Variants in WWOX observed in about 807,000 individuals in gnomAD.
WWOX encodes WW domain containing oxidoreductase.
WWOX carries 69 observed loss-of-function variants against 46.2 expected under a neutral mutation model. The observed-to-expected ratio is 1.49, with a 90% confidence interval of 1.23 to 1.82. The LOEUF is 1.82. Among genes scored for constraint, WWOX ranks in the 40% most tolerant of loss-of-function variants. WWOX has a pLI of 0.00. For missense variants in WWOX, 919 were observed against 542.6 expected (o/e 1.69, Z -6.89); for synonymous variants, 359 against 202.6 (o/e 1.77, Z -6.56).
At position 78,192,224 on chromosome 16, in the gene WWOX, G is replaced by T. The variant is rs532279625; in HGVS notation, c.516+27935G>T. Among the ~76,000 whole-genome samples, 44 of 152,242 alleles carry T rather than the reference G, an allele frequency of 2.9e-4. 1 individual carries two copies. In the Middle Eastern group the frequency reaches 0.01, roughly 36 times the overall value. On this transcript the variant is annotated intron_variant, in intron 5 of 8. Transcript: ENST00000566780. ...AAAAAGAAAACGAAGGCCGGGTACG[G>T]TGGCTCATGCCTGTAATCCCAGCAC... is the stretch of plus-strand genomic sequence containing the variant.
intron 8 of WWOX, among the ~76,000 whole-genome samples, chr16:78,545,651 C>G (rs551748991): frequency 2.0e-5 from 3 of 152,306 alleles, no homozygotes; most frequent in African/African-American, 7.2e-5. Context: ...GAAACAGGCA[C>G]CGTGTTCATT....
chr16:79,127,768 A>G (rs889313777), intron 8 of WWOX, among the ~76,000 whole-genome samples: 1 of 152,174 alleles, frequency 6.6e-6, no homozygotes, highest in African/African-American at 2.4e-5. Flanking sequence ...TCCTGACTCC[A>G]TGCTTTGTAG....
intron 8 of WWOX, among the ~76,000 whole-genome samples, chr16:78,866,339 A>C (rs2075832): frequency 0.61 from 92,792 of 151,798 alleles, 28,766 homozygotes; most frequent in African/African-American, 0.7. Context: ...CCTCTGGGGG[A>C]CTGAGACATG....
At chr16:78,844,304 T>C (rs1233453161) in intron 8 of WWOX, among the ~76,000 whole-genome samples, 1 of 152,212 alleles carries the variant, frequency 6.6e-6, no homozygotes, top group Non-Finnish European at 1.5e-5. Context: ...TATTTATTTT[T>C]TCAAAGCTTA....
rs74556269 is a variant in WWOX at position 78,679,233 on chromosome 16, A to G, written c.1056+246481A>G. ...ATCCTAGAACCCGTTTCTTACCATG[A>G]TGGCGTTGAGGTAGAGGTAGAAAGA... On this transcript the variant is annotated intron_variant, in intron 8 of 8. Transcript: ENST00000566780. Among the ~76,000 whole-genome samples, 85 of 152,216 alleles carry G rather than the reference A, an allele frequency of 5.6e-4. 1 individual carries two copies. In the East Asian group the frequency reaches 7.8e-3, roughly 14 times the overall value.
chr16:78,842,216 G>C (rs1424688172), intron 8 of WWOX, among the ~76,000 whole-genome samples: 1 of 152,002 alleles, frequency 6.6e-6, no homozygotes, highest in Non-Finnish European at 1.5e-5. Flanking sequence ...AAAATGGGTT[G>C]GGTGCAGTGG....
Position 78,650,465 on chromosome 16 carries a change from A to G in WWOX, c.1056+217713A>G, listed in dbSNP as rs190170715. Among the ~76,000 whole-genome samples, 23 of 152,324 alleles carry G rather than the reference A, an allele frequency of 1.5e-4. No homozygotes were observed. The South Asian group carries it at 2.3e-3, about 15-fold the overall frequency. ...TGCTTCCTAGGCTGTCCACCATGAC[A>G]TCAGCCTGCCCATGCAATGCTTGAG... is the stretch of plus-strand genomic sequence containing the variant. On this transcript the variant is annotated intron_variant, in intron 8 of 8. Coordinates refer to ENST00000566780, the MANE Select transcript of WWOX (RefSeq NM_016373.4).
intron 8 of WWOX, among the ~76,000 whole-genome samples, chr16:78,757,562 A>G (rs112139505): frequency 3.3e-4 from 50 of 152,306 alleles, no homozygotes; most frequent in African/African-American, 9.9e-4. Context: ...TAACTCTTCT[A>G]TAAGTGCCGT....
At chr16:78,520,231 T>C (rs940331992) in intron 8 of WWOX, among the ~76,000 whole-genome samples, 1 of 152,236 alleles carries the variant, frequency 6.6e-6, no homozygotes, top group Admixed American at 6.5e-5. Context: ...AATGGATTTT[T>C]ATCATTCTGA....
intron 8 of WWOX, chr16:79,202,626 G>A (rs77285305): frequency 8.5e-5 from 13 of 152,288 alleles, no homozygotes; most frequent in Non-Finnish European, 1.9e-4. Context: ...CAACAGTCTA[G>A]GAAGAAATCT....
intron 8 of WWOX, among the ~76,000 whole-genome samples, chr16:78,598,542 G>C (rs537718129): frequency 3.0e-4 from 46 of 152,282 alleles, no homozygotes; most frequent in Non-Finnish European, 5.0e-4. Context: ...TTGGGGGAGA[G>C]ATTTTGACCA....
chr16:78,433,151 T>C (rs2083262872), intron 8 of WWOX, among the ~76,000 whole-genome samples: 2 of 152,212 alleles, frequency 1.3e-5, no homozygotes, highest in Non-Finnish European at 2.9e-5. Context: ...GACTACTGAA[T>C]TTTCAGCAGA....
intron 3 of WWOX, among the ~76,000 whole-genome samples, chr16:78,111,378 C>G (rs1043627698): frequency 6.6e-6 from 1 of 152,122 alleles, no homozygotes; most frequent in Non-Finnish European, 1.5e-5. Context: ...CTCTTTGTGG[C>G]ATTACTAACA....
intron 8 of WWOX, among the ~76,000 whole-genome samples, chr16:78,922,984 C>CTTTTTTTCT (rs1555569184): frequency 0.37 from 52,247 of 141,256 alleles, 10,534 homozygotes; most frequent in African/African-American, 0.52. Flanking sequence ...TTTCTCTTTT[C>CTTTTTTTCT]TTTTTTTTTT....
At chr16:78,509,286 A>T (rs1218609081) in intron 8 of WWOX, among the ~76,000 whole-genome samples, 1 of 152,194 alleles carries the variant, frequency 6.6e-6, no homozygotes, top group African/African-American at 2.4e-5. Flanking sequence ...TAAAAAATAC[A>T]AAAGTTAGCC....
chr16:78,854,195 C>G (rs548052934), intron 8 of WWOX, among the ~76,000 whole-genome samples: 1 of 152,186 alleles, frequency 6.6e-6, no homozygotes, highest in East Asian at 1.9e-4. Context: ...ATTGTTCTTT[C>G]TACTCTAACT....
chr16:78,822,386 C>G (rs1303131306), intron 8 of WWOX, among the ~76,000 whole-genome samples: 2 of 152,166 alleles, frequency 1.3e-5, no homozygotes, highest in East Asian at 1.9e-4. Context: ...CTTAGCTACT[C>G]AAGAGGCTGA....
At chr16:78,508,878 T>C (rs540728591) in intron 8 of WWOX, among the ~76,000 whole-genome samples, 1 of 152,348 alleles carries the variant, frequency 6.6e-6, no homozygotes, top group Non-Finnish European at 1.5e-5. Context: ...ACCAACTCTT[T>C]TCAGGAATGC....
At chr16:79,180,321 T>A (rs1476688754) in intron 8 of WWOX, among the ~76,000 whole-genome samples, 1 of 152,234 alleles carries the variant, frequency 6.6e-6, no homozygotes, top group Non-Finnish European at 1.5e-5. Context: ...GCAAGGAAGC[T>A]TTTTATTAGT....
Sources: allele counts gnomAD v4.1 joint callset (sites outside exome capture counted in the v4.1 genomes callset), GRCh38; gene constraint gnomAD v4.1.1; transcripts MANE v1.5; gene names NCBI Gene and HGNC (gene_info 2026-07-23, HGNC 2026-07-21).